The following TMEM132B variants were observed in gnomAD, a reference collection of about 807,000 sequenced individuals.
The protein encoded by TMEM132B is transmembrane protein 132B.
A neutral mutation model predicts 90.8 loss-of-function variants in TMEM132B; 18 were observed. The observed-to-expected ratio is 0.20, with a 90% CI of 0.14 to 0.29. TMEM132B has a LOEUF of 0.29. Ranked by LOEUF, TMEM132B falls within the 10% of genes least tolerant of loss-of-function variation. The pLI, the probability that TMEM132B is intolerant of heterozygous loss-of-function variation, is 1.00. For synonymous variants in TMEM132B, 504 were observed against 523.3 expected, an observed-to-expected ratio of 0.96 and a Z score of 0.50; for missense variants, 1,096 against 1,326.8, an observed-to-expected ratio of 0.83 and a Z score of 2.70.
chr12:125,542,025 CAAAAAAAAAAAAA>C (rs71306285), intron 4 of TMEM132B, among the ~76,000 whole-genome samples: 10 of 23,302 alleles, frequency 4.3e-4, no homozygotes, highest in Non-Finnish European at 6.7e-4. Context: ...ACCCCCGTCT[CAAAAAAAAAAAAA>C]AAAAAAAAAA....
chr12:125,462,742 C>T (rs1881471246), intron 3 of TMEM132B, among the ~76,000 whole-genome samples: 1 of 152,164 alleles, frequency 6.6e-6, no homozygotes, highest in African/African-American at 2.4e-5. Context: ...ATTTCTATGA[C>T]CTTCTTGAGG....
chr12:125,356,274 T>A (rs1877771349), intron 2 of TMEM132B, among the ~76,000 whole-genome samples: 1 of 152,194 alleles, frequency 6.6e-6, no homozygotes. Context: ...TGGGTTTGAA[T>A]CCTGACTCTG....
chr12:125,478,417 T>G (rs1313547584), intron 3 of TMEM132B, among the ~76,000 whole-genome samples: 2 of 152,170 alleles, frequency 1.3e-5, no homozygotes, highest in Non-Finnish European at 2.9e-5. Context: ...AGAGAAGACC[T>G]TAAATGACCT....
At chr12:125,212,927 C>T (rs977307742) in intron 1 of TMEM132B, among the ~76,000 whole-genome samples, 4 of 151,770 alleles carry the variant, frequency 2.6e-5, no homozygotes, top group Non-Finnish European at 4.4e-5. Flanking sequence ...TTCTAAAAAC[C>T]GAGGATAAGT....
At chr12:125,412,460 A>T (rs1034468949) in intron 2 of TMEM132B, among the ~76,000 whole-genome samples, 4 of 152,190 alleles carry the variant, frequency 2.6e-5, no homozygotes, top group Non-Finnish European at 5.9e-5. Context: ...TCCTCTGTTA[A>T]TGGGCCAGTG....
intron 4 of TMEM132B, among the ~76,000 whole-genome samples, chr12:125,520,851 A>G (rs1238435181): frequency 2.0e-5 from 3 of 152,204 alleles, no homozygotes; most frequent in Non-Finnish European, 4.4e-5. Context: ...TGTTTGTTGA[A>G]TGAATGAATG....
intron 3 of TMEM132B, among the ~76,000 whole-genome samples, chr12:125,422,488 T>C (rs528258816): frequency 2.2e-4 from 33 of 152,304 alleles, no homozygotes; most frequent in African/African-American, 7.0e-4. Flanking sequence ...CCACCTGGCA[T>C]GTGGAAGTAG....
intron 3 of TMEM132B, among the ~76,000 whole-genome samples, chr12:125,480,402 C>T (rs1162632180): frequency 1.3e-5 from 2 of 152,034 alleles, no homozygotes; most frequent in Non-Finnish European, 2.9e-5. Context: ...ATCAAATAGA[C>T]ACAATAAAAA....
At chr12:125,571,163 G>T (rs539911883) in intron 4 of TMEM132B, among the ~76,000 whole-genome samples, 1 of 152,176 alleles carries the variant, frequency 6.6e-6, no homozygotes, top group Non-Finnish European at 1.5e-5. Flanking sequence ...GAGACCCAGC[G>T]CAGCAGCCGG....
At chr12:125,190,636 TGGGGAAGGGGTGGCGATGGTGATG>T (rs1957794163) in intron 1 of TMEM132B, among the ~76,000 whole-genome samples, 1 of 34,200 alleles carries the variant, frequency 2.9e-5, no homozygotes, top group Admixed American at 4.1e-4. Flanking sequence ...GTGATGGTGA[TGGGGAAGGGGTGGCGATGGTGATG>T]GGGAAGGGGT....
chr12:125,206,341 T>G (rs1873185786), intron 1 of TMEM132B, among the ~76,000 whole-genome samples: 1 of 150,488 alleles, frequency 6.6e-6, no homozygotes, highest in Non-Finnish European at 1.5e-5. Context: ...CGGGTTCACA[T>G]GATTCTCCTG....
intron 3 of TMEM132B, among the ~76,000 whole-genome samples, chr12:125,511,851 C>CAA (rs35364069): frequency 0.011 from 1,178 of 111,080 alleles, 15 homozygotes; most frequent in African/African-American, 0.028. Context: ...GACTCTATCT[C>CAA]AAAAAAAAAA....
At chr12:125,187,443 C>T (rs1173306787) in intron 1 of TMEM132B, among the ~76,000 whole-genome samples, 2 of 152,334 alleles carry the variant, frequency 1.3e-5, no homozygotes, top group East Asian at 3.9e-4. Context: ...TCCTCTTGGC[C>T]AAAGAGCAGC....
Position 125,656,822 on chromosome 12 carries a change from A to G in TMEM132B, c.*2112A>G, listed in dbSNP as rs1887073843. The stretch of plus-strand genomic sequence containing the variant: ...GTCGGCTCCTTCTATGAGGCTTTTC[A>G]ATCGTCTCTCCCTTTGGATCTCTGG... On this transcript the variant is annotated 3_prime_UTR_variant, in exon 9 of 9. Transcript: ENST00000682704. 1 of 152,190 alleles carries G rather than the reference A, an allele frequency of 6.6e-6. No homozygotes were observed. Among genetic ancestry groups the G allele is most frequent in the South Asian group, 2.1e-4 (1 of 4,826 alleles). 9.4% of individuals were successfully genotyped at this position (152,190 alleles called of 1,614,324 possible). A position where few individuals can be genotyped will look rare whatever the true frequency, so the allele number is the denominator to read the frequency against.
At chr12:125,454,560 A>G (rs974784874) in intron 3 of TMEM132B, among the ~76,000 whole-genome samples, 1 of 152,274 alleles carries the variant, frequency 6.6e-6, no homozygotes, top group Non-Finnish European at 1.5e-5. Flanking sequence ...TTGCAAAGAC[A>G]GAGCTGTGAT....
intron 3 of TMEM132B, among the ~76,000 whole-genome samples, chr12:125,431,271 G>A (rs931267265): frequency 9.2e-5 from 14 of 152,020 alleles, no homozygotes; most frequent in Non-Finnish European, 1.9e-4. Context: ...AATTGAAATG[G>A]AACTTGCCTT....
At chr12:125,202,961 C>T (rs1424378051) in intron 1 of TMEM132B, among the ~76,000 whole-genome samples, 2 of 152,182 alleles carry the variant, frequency 1.3e-5, no homozygotes, top group Admixed American at 6.5e-5. Flanking sequence ...CTTTCACTTG[C>T]AACCAGAGAG....
At chr12:125,283,499 A>G (rs1274155237) in intron 1 of TMEM132B, among the ~76,000 whole-genome samples, 1 of 152,158 alleles carries the variant, frequency 6.6e-6, no homozygotes, top group Non-Finnish European at 1.5e-5. Context: ...ATAAAGGAAC[A>G]GGAGTGCTAA....
intron 3 of TMEM132B, 130 bp from the exon 4 acceptor site, chr12:125,519,309 C>T: frequency 1.1e-6 from 1 of 927,774 alleles, no homozygotes; most frequent in South Asian, 1.8e-5. Context: ...GACAACACTG[C>T]CGTGTGAGTT....
Sources: allele counts gnomAD v4.1 joint callset (sites outside exome capture counted in the v4.1 genomes callset), GRCh38; gene constraint gnomAD v4.1.1; transcripts MANE v1.5; gene names NCBI Gene and HGNC (gene_info 2026-07-23, HGNC 2026-07-21).